Variants in AJAP1 observed in about 807,000 individuals in gnomAD.
AJAP1 encodes adherens junctions associated protein 1.
A neutral mutation model predicts 35.0 loss-of-function variants in AJAP1; 5 were observed. That is an observed-to-expected ratio of 0.14 (90% CI 0.07 to 0.30). The LOEUF (loss-of-function observed/expected upper bound fraction) is 0.30. Among genes scored for constraint, AJAP1 ranks in the 10% least tolerant of loss-of-function variants. The pLI is 1.00. For synonymous variants in AJAP1, 284 were observed against 249.3 expected, an observed-to-expected ratio of 1.14 and a Z score of -1.31; for missense variants, 586 against 571.0, an observed-to-expected ratio of 1.03 and a Z score of -0.27.
intron 2 of AJAP1, among the ~76,000 whole-genome samples, chr1:4,763,949 C>T (rs2100350511): frequency 6.6e-6 from 1 of 151,130 alleles, no homozygotes; most frequent in Middle Eastern, 3.4e-3. Flanking sequence ...GTTCCTGGTT[C>T]TTGGGCCTTT....
intron 1 of AJAP1, among the ~76,000 whole-genome samples, chr1:4,702,987 C>T (rs934832885): frequency 6.6e-6 from 1 of 152,120 alleles, no homozygotes; most frequent in Non-Finnish European, 1.5e-5. Flanking sequence ...GGTTTCTGTC[C>T]GACCCAAATG....
chr1:4,732,072 G>A (rs1048755094), intron 2 of AJAP1, among the ~76,000 whole-genome samples: 2 of 152,252 alleles, frequency 1.3e-5, no homozygotes, highest in African/African-American at 4.8e-5. Context: ...TGTGCTCTTG[G>A]GGAGAGGCTG....
At chr1:4,716,644 G>A (rs1640396984) in intron 2 of AJAP1, among the ~76,000 whole-genome samples, 1 of 151,734 alleles carries the variant, frequency 6.6e-6, no homozygotes, top group African/African-American at 2.4e-5. Flanking sequence ...GATGATGATG[G>A]TGTTGATGAT....
At chr1:4,749,623 T>C (rs1641276140) in intron 2 of AJAP1, among the ~76,000 whole-genome samples, 1 of 152,140 alleles carries the variant, frequency 6.6e-6, no homozygotes, top group Non-Finnish European at 1.5e-5. Context: ...CAAACCAGTG[T>C]ATTTGGTGCA....
intron 5 of AJAP1, chr1:4,777,842 A>C (rs1333515789): frequency 6.6e-6 from 1 of 152,218 alleles, no homozygotes; most frequent in East Asian, 1.9e-4. Context: ...TTAATAGAAT[A>C]TCAAACTTTT....
At chr1:4,694,257 C>A (rs149094132) in intron 1 of AJAP1, among the ~76,000 whole-genome samples, 2,538 of 152,312 alleles carry the variant, frequency 0.017, 66 homozygotes, top group African/African-American at 0.057. Context: ...TCGTCATAAT[C>A]CCAGCCCCCC....
At chr1:4,717,016 G>C (rs529700406) in intron 2 of AJAP1, among the ~76,000 whole-genome samples, 1 of 152,326 alleles carries the variant, frequency 6.6e-6, no homozygotes, top group South Asian at 2.1e-4. Context: ...GTGACCGTCA[G>C]ATGGGTCAGA....
chr1:4,684,007 G>A (rs1460189460), intron 1 of AJAP1, among the ~76,000 whole-genome samples: 2 of 152,166 alleles, frequency 1.3e-5, no homozygotes, highest in African/African-American at 4.8e-5. Context: ...GAATGGGGAG[G>A]AAGGAGATGG....
chr1:4,745,411 A>G (rs1027778393), intron 2 of AJAP1, among the ~76,000 whole-genome samples: 5 of 152,024 alleles, frequency 3.3e-5, no homozygotes, highest in Non-Finnish European at 5.9e-5. Context: ...TTTGGGAGGA[A>G]TGTTGCCCTG....
chr1:4,755,721 C>G (rs1042861070), intron 2 of AJAP1, among the ~76,000 whole-genome samples: 1 of 152,094 alleles, frequency 6.6e-6, no homozygotes, highest in African/African-American at 2.4e-5. Context: ...GTACAGGGAC[C>G]ACACAGTGGG....
At chr1:4,768,415 T>C (rs999643626) in intron 2 of AJAP1, among the ~76,000 whole-genome samples, 1 of 152,210 alleles carries the variant, frequency 6.6e-6, no homozygotes, top group Non-Finnish European at 1.5e-5. Context: ...ACAAAGCTTG[T>C]TTTCTGGCTG....
Position 4,713,803 on chromosome 1 carries a change from C to T in AJAP1, c.829+1104C>T, listed in dbSNP as rs533171341. Among the ~76,000 whole-genome samples, 22 of 152,374 alleles carry T rather than the reference C, an allele frequency of 1.4e-4. No individual in the cohort carries two copies. The South Asian group carries it at 3.7e-3, about 26-fold the overall frequency. On this transcript the variant is annotated intron_variant, in intron 2 of 5. Transcript: ENST00000378191. ...GGCGTCAGTACAAAGTGGGCGGGGG[C>T]GCCCTGTGGCCTCCTCACAGCTTGC...
At chr1:4,694,188 A>AGT (rs1639805908) in intron 1 of AJAP1, among the ~76,000 whole-genome samples, 1 of 151,560 alleles carries the variant, frequency 6.6e-6, no homozygotes, top group African/African-American at 2.4e-5. Flanking sequence ...GCCAGTCTGC[A>AGT]CCCACTTCAT....
At chr1:4,762,643 G>T (rs1190819204) in intron 2 of AJAP1, among the ~76,000 whole-genome samples, 1 of 152,212 alleles carries the variant, frequency 6.6e-6, no homozygotes, top group African/African-American at 2.4e-5. Context: ...TGTCTTCCTG[G>T]TGCTCATCCT....
chr1:4,721,836 G>C lies in AJAP1; in HGVS notation c.829+9137G>C, dbSNP rs1159369938. Among the ~76,000 whole-genome samples, 4 of 152,210 alleles carry C rather than the reference G, an allele frequency of 2.6e-5. No individual in the cohort carries two copies. The East Asian group carries it at 7.7e-4, about 29-fold the overall frequency. On this transcript the variant is annotated intron_variant, in intron 2 of 5. Coordinates refer to ENST00000378191, the MANE Select transcript of AJAP1 (RefSeq NM_018836.4). ...GCACCTTGCAGAGAAAACATAATCT[G>C]TGTTTTAAAAGCTTGATATAGTGTC...
chr1:4,671,123 C>G (rs879735059), intron 1 of AJAP1, among the ~76,000 whole-genome samples: 1 of 152,200 alleles, frequency 6.6e-6, no homozygotes, highest in Non-Finnish European at 1.5e-5. Context: ...AGTCCCAGCT[C>G]TTTGGGAGGC....
chr1:4,669,178 C>A (rs1458711118), intron 1 of AJAP1, among the ~76,000 whole-genome samples: 1 of 152,190 alleles, frequency 6.6e-6, no homozygotes, highest in Admixed American at 6.5e-5. Context: ...CTTTTCATCA[C>A]CCTAAAAGGA....
Position 4,732,696 on chromosome 1 carries a change from C to G in AJAP1, c.829+19997C>G, listed in dbSNP as rs571096446. ...CAGGAGTGAGGGAGTGAGGGTGAAC[C>G]CCTGGCCCTTCCGCGAGACCTGGGG... On this transcript the variant is annotated intron_variant, in intron 2 of 5. Coordinates refer to ENST00000378191, the MANE Select transcript of AJAP1 (RefSeq NM_018836.4). 2.6e-5 allele frequency among the ~76,000 whole-genome samples: 4 copies of G among 152,364 alleles called. No homozygotes were observed. The East Asian group carries it at 7.7e-4, about 29-fold the overall frequency.
intron 2 of AJAP1, among the ~76,000 whole-genome samples, chr1:4,741,129 C>T (rs965673738): frequency 3.3e-5 from 5 of 151,968 alleles, no homozygotes; most frequent in African/African-American, 1.2e-4. Context: ...GGTGGATGAA[C>T]AAACAGAAAA....
Sources: gnomAD v4.1 joint callset for allele counts (sites outside exome capture counted in the v4.1 genomes callset) on GRCh38, gnomAD v4.1.1 for gene constraint, MANE v1.5 for transcripts, NCBI Gene and HGNC (gene_info 2026-07-23, HGNC 2026-07-21) for gene names.